NAALADL2: variants seen among roughly 807,000 people sequenced by gnomAD.
NAALADL2 encodes the protein N-acetylated alpha-linked acidic dipeptidase like 2.
In NAALADL2, 76 loss-of-function variants were observed where a neutral mutation model predicts 87.2. The observed-to-expected ratio is 0.87, with a 90% CI of 0.72 to 1.05. NAALADL2 has a LOEUF of 1.05. Ranked by LOEUF, NAALADL2 falls within the 50% of genes least tolerant of loss-of-function variation. The probability of loss-of-function intolerance (pLI) is 0.00; values close to 1 mark genes in which losing one functional copy is unlikely to be tolerated. For synonymous variants in NAALADL2, 354 were observed against 331.0 expected, an observed-to-expected ratio of 1.07 and a Z score of -0.75; for missense variants, 1,089 against 945.8, an observed-to-expected ratio of 1.15 and a Z score of -1.99.
chr3:175,106,513 G>A (rs1257411763), intron 2 of NAALADL2, among the ~76,000 whole-genome samples: 1 of 152,058 alleles, frequency 6.6e-6, no homozygotes, highest in East Asian at 1.9e-4. Flanking sequence ...AAAAGGAACA[G>A]GATCAGTCAG....
At chr3:175,304,432 T>G (rs1163248608) in intron 4 of NAALADL2, among the ~76,000 whole-genome samples, 1 of 152,228 alleles carries the variant, frequency 6.6e-6, no homozygotes, top group African/African-American at 2.4e-5. Context: ...TGTATGCAAG[T>G]CTGGCATGAC....
chr3:175,187,838 A>G (rs975218367), intron 2 of NAALADL2, among the ~76,000 whole-genome samples: 9 of 152,218 alleles, frequency 5.9e-5, no homozygotes, highest in African/African-American at 2.2e-4. Flanking sequence ...TATAAAAATG[A>G]GTGAACATGA....
rs1041536828 is a variant in NAALADL2, at chr3:175,317,928, G to A, written c.940-6247G>A. Among the ~76,000 whole-genome samples the A allele has an allele frequency of 2.4e-4, 36 of 152,000 alleles. 1 individual carries two copies. The highest frequency in any genetic ancestry group is 2.0e-3 in the Admixed American group (31 of 15,254). Reference sequence around the variant, plus strand: ...CATCAAAAAATGAATGATTTGACCCGGAAATTCCACCTGTGGAAATATATT... The same window carrying A: ...CATCAAAAAATGAATGATTTGACCCAGAAATTCCACCTGTGGAAATATATT... On this transcript the variant is annotated intron_variant, in intron 4 of 13. Coordinates refer to ENST00000454872, the MANE Select transcript of NAALADL2 (RefSeq NM_207015.3).
Position 175,525,363 on chromosome 3 carries a change from C to G in NAALADL2, c.1654-50678C>G, listed in dbSNP as rs918120244. Among the ~76,000 whole-genome samples, 37 of 152,028 alleles carry G rather than the reference C, an allele frequency of 2.4e-4. 1 individual carries two copies. The highest frequency in any genetic ancestry group is 3.3e-4 in the Admixed American group (5 of 15,258). On this transcript the variant is annotated intron_variant, in intron 9 of 13. Coordinates refer to ENST00000454872, the MANE Select transcript of NAALADL2 (RefSeq NM_207015.3). ...ATTATTTTATGTTTTCTTCCTCTAC[C>G]CCATCGTCCCATTTCTCCACTCACT...
At chr3:174,593,032 A>G (rs1399331887) in intron 2 of NAALADL2, among the ~76,000 whole-genome samples, 2 of 152,092 alleles carry the variant, frequency 1.3e-5, no homozygotes, top group African/African-American at 4.8e-5. Flanking sequence ...CAACTAACCA[A>G]TCAGATAATG....
At chr3:174,867,043 A>G (rs1286073019) in intron 1 of NAALADL2, among the ~76,000 whole-genome samples, 1 of 151,868 alleles carries the variant, frequency 6.6e-6, no homozygotes, top group African/African-American at 2.4e-5. Context: ...GTTTAGTAAC[A>G]TAATCTGCAA....
chr3:174,524,316 A>G (rs2108421513), intron 1 of NAALADL2, among the ~76,000 whole-genome samples: 1 of 152,264 alleles, frequency 6.6e-6, no homozygotes, highest in East Asian at 1.9e-4. Flanking sequence ...TGGGGAAAAT[A>G]GATGTGGGTG....
chr3:174,819,145 C>T (rs574973553), intron 3 of NAALADL2, among the ~76,000 whole-genome samples: 4 of 141,828 alleles, frequency 2.8e-5, no homozygotes, highest in African/African-American at 1.0e-4. Flanking sequence ...GCAACCTCCA[C>T]CTCCCAGGCT....
At chr3:174,675,813 A>G (rs1470935723) in intron 2 of NAALADL2, among the ~76,000 whole-genome samples, 1 of 152,058 alleles carries the variant, frequency 6.6e-6, no homozygotes, top group East Asian at 1.9e-4. Context: ...CAATGTTTTC[A>G]GCAATTTATT....
chr3:175,703,718 A>G (rs368136617), intron 11 of NAALADL2, among the ~76,000 whole-genome samples: 161 of 152,204 alleles, frequency 1.1e-3, no homozygotes, highest in African/African-American at 3.7e-3. Context: ...ATTCCAGCCT[A>G]AGTGACAGAG....
At chr3:175,620,732 C>T (rs185458434) in intron 10 of NAALADL2, among the ~76,000 whole-genome samples, 3 of 152,250 alleles carry the variant, frequency 2.0e-5, no homozygotes, top group East Asian at 1.9e-4. Context: ...TACATGTTGC[C>T]GCTCTCTTCG....
intron 4 of NAALADL2, among the ~76,000 whole-genome samples, chr3:175,320,372 G>T (rs60569964): frequency 6.6e-6 from 1 of 152,012 alleles, no homozygotes; most frequent in African/African-American, 2.4e-5. Flanking sequence ...CAAATGACAG[G>T]GTCTATTCTC....
intron 5 of NAALADL2, among the ~76,000 whole-genome samples, chr3:175,328,989 A>G (rs1469151963): frequency 6.6e-6 from 1 of 152,224 alleles, no homozygotes; most frequent in Non-Finnish European, 1.5e-5. Context: ...AAATAGTATT[A>G]GGAATAACAA....
At chr3:174,721,485 G>C (rs1279647286) in intron 2 of NAALADL2, among the ~76,000 whole-genome samples, 1 of 152,162 alleles carries the variant, frequency 6.6e-6, no homozygotes, top group Non-Finnish European at 1.5e-5. Context: ...ACAAAACCCT[G>C]AATTCCGTAA....
At chr3:174,776,052 A>AAG (rs1171846060) in intron 3 of NAALADL2, among the ~76,000 whole-genome samples, 1 of 152,134 alleles carries the variant, frequency 6.6e-6, no homozygotes. Flanking sequence ...AGAAGCTGTT[A>AAG]CTGTTTTCCT....
chr3:175,556,702 CTCA>C (rs1715332922), intron 9 of NAALADL2, among the ~76,000 whole-genome samples: 1 of 152,112 alleles, frequency 6.6e-6, no homozygotes, highest in African/African-American at 2.4e-5. Flanking sequence ...TGAAAAAAGT[CTCA>C]TTTCTCTGAA....
chr3:175,665,701 G>A (rs1732868756), intron 11 of NAALADL2, among the ~76,000 whole-genome samples: 1 of 152,152 alleles, frequency 6.6e-6, no homozygotes, highest in African/African-American at 2.4e-5. Context: ...GAGGGGCCGA[G>A]GTGGGCAGAT....
intron 1 of NAALADL2, among the ~76,000 whole-genome samples, chr3:175,084,024 A>T (rs73037228): frequency 6.6e-6 from 1 of 152,204 alleles, no homozygotes; most frequent in Admixed American, 6.5e-5. Context: ...AGTGGGAAGG[A>T]TCAGAATGGA....
intron 4 of NAALADL2, among the ~76,000 whole-genome samples, chr3:175,306,208 C>G (rs73184754): frequency 0.026 from 3,989 of 151,882 alleles, 78 homozygotes; most frequent in Non-Finnish European, 0.041. Context: ...TTTTTATTTT[C>G]TTAAACATTT....
Sources: gnomAD v4.1 joint callset for allele counts (sites outside exome capture counted in the v4.1 genomes callset) on GRCh38, gnomAD v4.1.1 for gene constraint, MANE v1.5 for transcripts, NCBI Gene and HGNC (gene_info 2026-07-23, HGNC 2026-07-21) for gene names.